The following ESRRG variants were observed in gnomAD, a reference collection of about 807,000 sequenced individuals.
ESRRG encodes estrogen-related receptor gamma.
ESRRG carries 13 observed loss-of-function variants against 44.0 expected under a neutral mutation model. The ratio of observed to expected loss-of-function variants is 0.30; its 90% CI spans 0.19 to 0.47. The LOEUF (loss-of-function observed/expected upper bound fraction) is 0.47. Among genes scored for constraint, ESRRG ranks in the 20% least tolerant of loss-of-function variants. The pLI, the probability that ESRRG is intolerant of heterozygous loss-of-function variation, is 1.00. For synonymous variants in ESRRG, 215 were observed against 214.6 expected, an observed-to-expected ratio of 1.00 and a Z score of -0.02; for missense variants, 395 against 580.6, an observed-to-expected ratio of 0.68 and a Z score of 3.29.
chr1:216,916,343 A>G (rs891840192), intron 2 of ESRRG, among the ~76,000 whole-genome samples: 2 of 152,142 alleles, frequency 1.3e-5, no homozygotes, highest in Non-Finnish European at 2.9e-5. Context: ...CATGCCCCGC[A>G]TGTGTGTATG....
chr1:216,832,850 C>A (rs959076169), intron 2 of ESRRG, among the ~76,000 whole-genome samples: 5 of 152,050 alleles, frequency 3.3e-5, no homozygotes, highest in Non-Finnish European at 7.4e-5. Context: ...GTGATGTGTG[C>A]CTGTAATCCC....
At chr1:216,754,216 G>A (rs148714727) in intron 2 of ESRRG, among the ~76,000 whole-genome samples, 28 of 152,058 alleles carry the variant, frequency 1.8e-4, no homozygotes, top group African/African-American at 6.7e-4. Flanking sequence ...ATGTGACCTT[G>A]ACCCAGCCTA....
chr1:216,733,180 A>G (rs1013212410), intron 2 of ESRRG, among the ~76,000 whole-genome samples: 1 of 152,194 alleles, frequency 6.6e-6, no homozygotes, highest in South Asian at 2.1e-4. Flanking sequence ...CAGCTTTCAA[A>G]CATTCGTGTT....
At chr1:217,071,986 C>A (rs1471630443) in intron 1 of ESRRG, among the ~76,000 whole-genome samples, 2 of 152,130 alleles carry the variant, frequency 1.3e-5, no homozygotes, top group Non-Finnish European at 2.9e-5. Context: ...GGTATGTTGC[C>A]AGTAATTTGT....
At chr1:216,604,537 C>G (rs919798216) in intron 3 of ESRRG, among the ~76,000 whole-genome samples, 1 of 152,136 alleles carries the variant, frequency 6.6e-6, no homozygotes, top group Non-Finnish European at 1.5e-5. Context: ...CCCAGCCCCC[C>G]ATATCACAAA....
intron 2 of ESRRG, among the ~76,000 whole-genome samples, chr1:216,758,306 T>C (rs750977815): frequency 7.9e-5 from 12 of 152,082 alleles, no homozygotes; most frequent in Non-Finnish European, 1.8e-4. Context: ...CTGTTTAATG[T>C]CATTAGCGAT....
chr1:217,109,868 GT>G (rs1326833945), intron 1 of ESRRG, among the ~76,000 whole-genome samples: 1 of 152,236 alleles, frequency 6.6e-6, no homozygotes, highest in Non-Finnish European at 1.5e-5. Flanking sequence ...TTTAGCTCTG[GT>G]GTTAGTGAAT....
chr1:216,538,369 G>T (rs2149229902), intron 5 of ESRRG, among the ~76,000 whole-genome samples: 1 of 152,134 alleles, frequency 6.6e-6, no homozygotes. Context: ...GTCACATCTT[G>T]AATGAGGACA....
intron 2 of ESRRG, among the ~76,000 whole-genome samples, chr1:216,732,645 C>T (rs958543113): frequency 4.0e-5 from 6 of 151,578 alleles, no homozygotes; most frequent in Non-Finnish European, 7.4e-5. Context: ...ATGTACAATA[C>T]GAAAAGGAAA....
At chr1:216,726,739 T>C (rs2087604889), upstream of ESRRG, among the ~76,000 whole-genome samples, 2 of 152,164 alleles carry the variant, frequency 1.3e-5, no homozygotes, top group Non-Finnish European at 2.9e-5. Flanking sequence ...GGTGTATGCA[T>C]AGTTTCAATC....
intron 2 of ESRRG, among the ~76,000 whole-genome samples, chr1:216,651,932 T>C (rs2069087763): frequency 6.6e-6 from 1 of 152,098 alleles, no homozygotes; most frequent in Non-Finnish European, 1.5e-5. Flanking sequence ...CCAATGGCAG[T>C]GTGTGGGATG....
chr1:216,723,890 C>G (rs568453377), upstream of ESRRG, among the ~76,000 whole-genome samples: 1 of 152,180 alleles, frequency 6.6e-6, no homozygotes, highest in African/African-American at 2.4e-5. Context: ...AAGGATTCTG[C>G]GGAAGGTAGA....
chr1:216,578,193 G>T (rs1001799878), intron 3 of ESRRG, among the ~76,000 whole-genome samples: 1 of 152,070 alleles, frequency 6.6e-6, no homozygotes, highest in Non-Finnish European at 1.5e-5. Flanking sequence ...CTTAGGAAAA[G>T]AATAGTTCAA....
chr1:216,937,246 GA>G (rs34207997), intron 2 of ESRRG, among the ~76,000 whole-genome samples: 42,497 of 149,400 alleles, frequency 0.28, 6,726 homozygotes, highest in African/African-American at 0.43. Flanking sequence ...AGGAAGAGCA[GA>G]AAAAAAAAAG....
At chr1:216,931,837 A>C (rs1318649121) in intron 2 of ESRRG, among the ~76,000 whole-genome samples, 10 of 62,336 alleles carry the variant, frequency 1.6e-4, no homozygotes, top group East Asian at 5.4e-4. Flanking sequence ...AGAAACCACA[A>C]AAAAAAAAAA....
chr1:216,888,760 C>T (rs1415611497), intron 2 of ESRRG, among the ~76,000 whole-genome samples: 1 of 151,978 alleles, frequency 6.6e-6, no homozygotes, highest in Non-Finnish European at 1.5e-5. Context: ...AGAAATAGAG[C>T]CCCGAAGATC....
chr1:216,931,392 G>GA (rs2063320368), intron 2 of ESRRG, among the ~76,000 whole-genome samples: 1 of 152,108 alleles, frequency 6.6e-6, no homozygotes, highest in Non-Finnish European at 1.5e-5. Context: ...CCCTTCCTAT[G>GA]AAAAATGTTT....
chr1:216,864,932 A>C (rs1404344435), intron 2 of ESRRG: 1 of 152,112 alleles, frequency 6.6e-6, no homozygotes, highest in Non-Finnish European at 1.5e-5. Flanking sequence ...CAGAGGCTCA[A>C]AGCTGGGGCC....
intron 5 of ESRRG, among the ~76,000 whole-genome samples, chr1:216,522,610 A>C (rs773822840): frequency 6.6e-6 from 1 of 152,122 alleles, no homozygotes; most frequent in Non-Finnish European, 1.5e-5. Flanking sequence ...TCTGGTCACT[A>C]AGGAGACCAA....
Sources: allele counts gnomAD v4.1 joint callset (sites outside exome capture counted in the v4.1 genomes callset), GRCh38; gene constraint gnomAD v4.1.1; transcripts MANE v1.5; gene names NCBI Gene and HGNC (gene_info 2026-07-23, HGNC 2026-07-21).